SCIN: variants seen among roughly 807,000 people sequenced by gnomAD.
SCIN encodes the protein scinderin, also known as adseverin.
A neutral mutation model predicts 91.8 loss-of-function variants in SCIN; 91 were observed. That is an observed-to-expected ratio of 0.99 (90% CI 0.84 to 1.18). SCIN has a LOEUF of 1.18. SCIN is among the 50% of genes most tolerant of loss of function. The pLI is 0.00. For missense variants in SCIN, 1,087 were observed against 863.9 expected, an observed-to-expected ratio of 1.26 and a Z score of -3.24; for synonymous variants, 367 against 312.6, an observed-to-expected ratio of 1.17 and a Z score of -1.84.
chr7:12,616,052 G>T (rs768164759), intron 4 of SCIN, among the ~76,000 whole-genome samples: 2 of 152,222 alleles, frequency 1.3e-5, no homozygotes, highest in South Asian at 4.1e-4. Flanking sequence ...TTTAGCTCAT[G>T]TTCTCATTAT....
chr7:12,636,428 G>T (rs1429853745), intron 10 of SCIN, among the ~76,000 whole-genome samples: 1 of 152,096 alleles, frequency 6.6e-6, no homozygotes, highest in Non-Finnish European at 1.5e-5. Context: ...ACATTAAAAC[G>T]GTTTTATCTG....
intron 10 of SCIN, among the ~76,000 whole-genome samples, chr7:12,638,518 T>G (rs1010072551): frequency 1.3e-5 from 2 of 152,348 alleles, no homozygotes; most frequent in Admixed American, 6.5e-5. Context: ...CCTGTTTAAC[T>G]TCCTCATTCC....
At chr7:12,605,103 G>C (rs377164952) in intron 4 of SCIN, among the ~76,000 whole-genome samples, 10 of 152,066 alleles carry the variant, frequency 6.6e-5, no homozygotes, top group Admixed American at 5.2e-4. Context: ...CCAGGCTGGA[G>C]TGCAGTGGCA....
intron 3 of SCIN, among the ~76,000 whole-genome samples, chr7:12,587,652 A>T (rs1396394663): frequency 6.6e-6 from 1 of 152,212 alleles, no homozygotes; most frequent in Non-Finnish European, 1.5e-5. Context: ...TCATCGTACC[A>T]GTGCCCCTTG....
chr7:12,644,054 GC>G, intron 11 of SCIN, 83 bp from the exon 12 acceptor site: 1 of 1,246,974 alleles, frequency 8.0e-7, no homozygotes, highest in African/African-American at 1.5e-5. Flanking sequence ...TGTATGGTTT[GC>G]CACAGTCACA....
chr7:12,571,071 T>C (rs1204525322), intron 1 of SCIN, 86 bp downstream of exon 1: 3 of 1,374,992 alleles, frequency 2.2e-6, no homozygotes, highest in Admixed American at 2.6e-5. Flanking sequence ...GGCGTGGGAG[T>C]AAAGGGGACC....
rs375608515 is a variant in SCIN at position 12,643,284 on chromosome 7, T to C, written c.1582-854T>C. The stretch of plus-strand genomic sequence containing the variant: ...CGGCAGGCTAAGGCTTTATAAAGAT[T>C]CTGTTTTAGATCTCATTTCCTGATC... On this transcript the variant is annotated intron_variant, in intron 11 of 15. Transcript: ENST00000297029. 7.2e-5 allele frequency among the ~76,000 whole-genome samples: 11 copies of C among 152,328 alleles called. No homozygotes were observed. In the East Asian group the frequency reaches 2.1e-3, roughly 29 times the overall value.
In SCIN at chr7:12,651,853, A is replaced by T; in HGVS notation, c.1972A>T (p.Ile658Phe). Residue 658 changes from isoleucine (I) to phenylalanine (F), a missense_variant, in exon 15 of 16, where the codon ATT becomes TTT. Transcript: ENST00000297029. This position sits in a 1 kb window ranked among gnomAD's most constrained non-coding sequence, Gnocchi z 5.9. ...TTTCATTTTTCAGATATTTATTTGG[A>T]TTGGCAAAGATGCTAATGAAGTTGA... is the stretch of plus-strand genomic sequence containing the variant. ...LDAWEQIFIW[I>F]GKDANEVEKK... 2 of 1,592,304 alleles carry T rather than the reference A, an allele frequency of 1.3e-6. No homozygotes were observed. The highest frequency in any genetic ancestry group is 2.7e-5 in the African/African-American group (2 of 74,698).
chr7:12,637,068 G>A (rs1783766382), intron 10 of SCIN, among the ~76,000 whole-genome samples: 2 of 152,204 alleles, frequency 1.3e-5, no homozygotes, highest in African/African-American at 2.4e-5. Flanking sequence ...TGACTAAATT[G>A]TTATTCCAGA....
chr7:12,649,984 C>A (rs1345227531), intron 14 of SCIN, among the ~76,000 whole-genome samples: 2 of 152,266 alleles, frequency 1.3e-5, no homozygotes, highest in East Asian at 1.9e-4. Flanking sequence ...AGTTTTGAAT[C>A]TACACAGTAA....
chr7:12,609,165 C>T (rs1346205740), intron 4 of SCIN, among the ~76,000 whole-genome samples: 1 of 152,112 alleles, frequency 6.6e-6, no homozygotes, highest in African/African-American at 2.4e-5. Context: ...AGGACACAAC[C>T]ATCATTAACA....
At chr7:12,615,489 G>C (rs1428346254) in intron 4 of SCIN, among the ~76,000 whole-genome samples, 1 of 152,080 alleles carries the variant, frequency 6.6e-6, no homozygotes, top group Non-Finnish European at 1.5e-5. Context: ...CGCCATGATT[G>C]TAAGTTTCTT....
intron 13 of SCIN, among the ~76,000 whole-genome samples, chr7:12,648,904 G>A (rs1454751639): frequency 6.6e-6 from 1 of 152,162 alleles, no homozygotes; most frequent in Non-Finnish European, 1.5e-5. Context: ...TAAAGTGGAG[G>A]AGTTAAAGTT....
chr7:12,613,122 G>A lies in SCIN; in HGVS notation c.666+8459G>A, dbSNP rs116761343. 1.5e-3 allele frequency among the ~76,000 whole-genome samples: 227 copies of A among 152,204 alleles called. 1 individual carries two copies. The highest frequency in any genetic ancestry group is 5.0e-3 in the African/African-American group (208 of 41,532). On this transcript the variant is annotated intron_variant, in intron 4 of 15. Coordinates refer to ENST00000297029, the MANE Select transcript of SCIN (RefSeq NM_001112706.3). The stretch of plus-strand genomic sequence containing the variant: ...ACAAGACGTATATCTGAACTGATAA[G>A]CTAATATAAATATTGAACTATAATG...
rs750372146 is a variant in SCIN at position 12,636,148 on chromosome 7, T to A, written c.1410+13T>A. ...ACAGGCTGTGCAGGTTGGGATATTT[T>A]TACCCCCAAAACTCACACAAGTTAA... is the stretch of plus-strand genomic sequence containing the variant. On this transcript the variant is annotated intron_variant, in intron 10 of 15. Transcript: ENST00000297029. The A allele has an allele frequency of 6.3e-7, 1 of 1,599,696 alleles. No individual in the cohort carries two copies. The highest frequency in any genetic ancestry group is 1.1e-5 in the South Asian group (1 of 89,382).
intron 3 of SCIN, chr7:12,596,183 G>A: frequency 3.0e-6 from 1 of 333,882 alleles, no homozygotes; most frequent in Non-Finnish European, 5.9e-6. Context: ...CATGTGCAGT[G>A]CCCTCCTTAC....
At position 12,653,853 on chromosome 7, in the gene SCIN, C is replaced by T. The variant is rs546474847; in HGVS notation, c.*1138C>T. ...AAAGTGAGTTTTTATGTTTTCCATT[C>T]TTCCCTTTTCTAAGTAATAATTTTT... On this transcript the variant is annotated 3_prime_UTR_variant, in exon 16 of 16. Coordinates refer to ENST00000297029, the MANE Select transcript of SCIN (RefSeq NM_001112706.3). The surrounding 1 kb of genome is among the most constrained non-coding windows in gnomAD (Gnocchi z 4.1). The T allele has an allele frequency of 6.6e-6, 1 of 152,302 alleles. No homozygotes were observed. Among genetic ancestry groups the T allele is most frequent in the South Asian group, 2.1e-4 (1 of 4,828 alleles). The allele number at this position is 152,302 out of a possible 1,614,324, so 9.4% of individuals were successfully genotyped here.
At chr7:12,646,895 A>T (rs1035906936) in intron 13 of SCIN, among the ~76,000 whole-genome samples, 2 of 152,220 alleles carry the variant, frequency 1.3e-5, no homozygotes, top group Admixed American at 6.5e-5. Flanking sequence ...AGATTTAAAC[A>T]GTGCATTGAG....
rs1212721207 is a variant in SCIN at position 12,650,541 on chromosome 7, G to C, written c.1959+997G>C. Among the ~76,000 whole-genome samples the C allele has an allele frequency of 3.9e-5, 6 of 152,046 alleles. No homozygotes were observed. The South Asian group carries it at 1.2e-3, about 32-fold the overall frequency. ...TTACCATGCTTTCATGGTTTGTTCT[G>C]TTCCCTGCACACAAATGTTTCAGCA... On this transcript the variant is annotated intron_variant, in intron 14 of 15. Coordinates refer to ENST00000297029, the MANE Select transcript of SCIN (RefSeq NM_001112706.3).
Sources: allele counts gnomAD v4.1 joint callset (sites outside exome capture counted in the v4.1 genomes callset), GRCh38; gene constraint gnomAD v4.1.1; non-coding constraint Gnocchi (gnomAD v3.1); transcripts MANE v1.5; gene names NCBI Gene and HGNC (gene_info 2026-07-23, HGNC 2026-07-21).